Variants in TENM4 observed in about 807,000 individuals in gnomAD.
TENM4 encodes teneurin transmembrane protein 4.
A neutral mutation model predicts 243.3 loss-of-function variants in TENM4; 82 were observed. That is an observed-to-expected ratio of 0.34 (90% confidence interval 0.28 to 0.40). TENM4 has a LOEUF of 0.40. Among genes scored for constraint, TENM4 ranks in the 10% least tolerant of loss-of-function variants. The pLI is 1.00. For synonymous variants in TENM4, 1,412 were observed against 1,456.3 expected (o/e 0.97, Z 0.69); for missense variants, 3,138 against 3,673.3 (o/e 0.85, Z 3.77).
intron 1 of TENM4, among the ~76,000 whole-genome samples, chr11:79,318,672 T>C (rs892315936): frequency 6.6e-6 from 1 of 152,178 alleles, no homozygotes; most frequent in Non-Finnish European, 1.5e-5. Flanking sequence ...TGGGGTAGAG[T>C]ATAATGTAGT....
rs779398356 is a variant in TENM4, at chr11:78,669,633, G to T, written c.6712C>A (p.Arg2238=). The T allele has an allele frequency of 6.2e-7, 1 of 1,614,010 alleles. No individual in the cohort carries two copies. Among genetic ancestry groups the T allele is most frequent in the Non-Finnish European group, 8.5e-7 (1 of 1,179,904 alleles). ...GTGATGCGGTCGCGGATGTCATACC[G>T]TAGTGGTGTGAGCCGTGCACTGTTC... The part of the protein sequence containing the change: ...PGNSARLTPL[R]YDIRDRITRL... The change falls in exon 32 of 34, where the codon CGG becomes AGG. Residue 2238 remains arginine (R), a synonymous_variant. Coordinates refer to ENST00000278550, the MANE Select transcript of TENM4 (RefSeq NM_001098816.3). This position sits in a 1 kb window ranked among gnomAD's most constrained non-coding sequence, Gnocchi z 6.4.
At chr11:79,410,515 G>A (rs1019225414) in intron 1 of TENM4, among the ~76,000 whole-genome samples, 9 of 152,098 alleles carry the variant, frequency 5.9e-5, no homozygotes, top group African/African-American at 1.9e-4. Context: ...TCCTACAATT[G>A]TTTCTATAAA....
intron 25 of TENM4, 103 bp downstream of exon 25, chr11:78,720,267 G>C: frequency 7.5e-7 from 1 of 1,336,544 alleles, no homozygotes; most frequent in Non-Finnish European, 1.1e-6. Flanking sequence ...AATCACACAG[G>C]ATTCTTTTGC....
chr11:78,724,805 T>A, intron 23 of TENM4, among the ~76,000 whole-genome samples: 1 of 152,244 alleles, frequency 6.6e-6, no homozygotes, highest in Non-Finnish European at 1.5e-5. Context: ...GAGGTGTCCT[T>A]ACAATGCAAG....
chr11:78,903,227 G>T, intron 7 of TENM4, 41 bp downstream of exon 7: 1 of 1,468,972 alleles, frequency 6.8e-7, no homozygotes. Context: ...GGCCCCGGGT[G>T]CCCACCCTCC....
Position 78,862,957 on chromosome 11 carries a change from C to A in TENM4, c.1255+5G>T. 2 of 1,452,766 alleles carry A rather than the reference C, an allele frequency of 1.4e-6. No homozygotes were observed. The highest frequency in any genetic ancestry group is 2.8e-5 in the South Asian group (2 of 71,114). 90.0% of individuals were successfully genotyped at this position (1,452,766 alleles called of 1,614,324 possible). On this transcript the variant is annotated splice_donor_5th_base_variant and intron_variant, in intron 10 of 33. Transcript: ENST00000278550. ...CTCACAACACGGACAACGCAGCAACCCTACCTTCTGTGGTTCCTTTGCCTT... is the reference window on the plus strand; with the variant it reads ...CTCACAACACGGACAACGCAGCAACACTACCTTCTGTGGTTCCTTTGCCTT...
chr11:78,846,632 T>A (rs1858400147), intron 12 of TENM4, among the ~76,000 whole-genome samples: 1 of 152,172 alleles, frequency 6.6e-6, no homozygotes, highest in African/African-American at 2.4e-5. Flanking sequence ...ACCAAGCCAT[T>A]TTCCTTCCAC....
intron 14 of TENM4, among the ~76,000 whole-genome samples, chr11:78,805,996 C>T (rs1292674885): frequency 1.3e-5 from 2 of 152,038 alleles, no homozygotes; most frequent in Non-Finnish European, 2.9e-5. Flanking sequence ...AACTTTCAAA[C>T]TTCACTTTCC....
At position 79,147,338 on chromosome 11, in the gene TENM4, C is replaced by T. The variant is rs183754444; in HGVS notation, c.-66+1372G>A. Reference sequence around the variant, plus strand: ...TCATTCTGGGGGGCTCTAATCCTTACCATCTAGGACCGGGGCTATGGCATC... The same window carrying T: ...TCATTCTGGGGGGCTCTAATCCTTATCATCTAGGACCGGGGCTATGGCATC... On this transcript the variant is annotated intron_variant, in intron 4 of 33. Coordinates refer to ENST00000278550, the MANE Select transcript of TENM4 (RefSeq NM_001098816.3). Among the ~76,000 whole-genome samples, 29 of 152,184 alleles carry T rather than the reference C, an allele frequency of 1.9e-4. 1 individual carries two copies. The highest frequency in any genetic ancestry group is 1.7e-3 in the Admixed American group (26 of 15,258).
chr11:79,423,990 T>G (rs1161206167), intron 1 of TENM4, among the ~76,000 whole-genome samples: 7 of 152,230 alleles, frequency 4.6e-5, no homozygotes, highest in African/African-American at 1.4e-4. Flanking sequence ...CCAGGCTCCC[T>G]GGTAGAAGCT....
At chr11:79,224,554 C>A (rs2135246113) in intron 2 of TENM4, among the ~76,000 whole-genome samples, 1 of 152,236 alleles carries the variant, frequency 6.6e-6, no homozygotes, top group African/African-American at 2.4e-5. Flanking sequence ...CCCAGTACTG[C>A]AGAGTGGGGC....
intron 6 of TENM4, among the ~76,000 whole-genome samples, chr11:79,064,216 G>A (rs752988893): frequency 1.2e-4 from 18 of 152,108 alleles, no homozygotes; most frequent in African/African-American, 3.6e-4. Context: ...TAACTGAAAC[G>A]CTGTACCCTT....
intron 1 of TENM4, among the ~76,000 whole-genome samples, chr11:79,359,133 T>G (rs111586754): frequency 0.01 from 1,592 of 152,144 alleles, 23 homozygotes; most frequent in African/African-American, 0.033. Context: ...GTGCATGGTG[T>G]TGCATACCTG....
chr11:78,712,697 T>G lies in TENM4; in HGVS notation c.3839A>C (p.Lys1280Thr), dbSNP rs1859428459. 2 of 1,613,894 alleles carry G rather than the reference T, an allele frequency of 1.2e-6. No individual in the cohort carries two copies. The highest frequency in any genetic ancestry group is 2.7e-5 in the African/African-American group (2 of 74,932). ...CATGGGGTCTGTGGCCAGGTAGTAT[T>G]TGTGTGCTGGACTGTGACTAGAAAA... is the stretch of plus-strand genomic sequence containing the variant. ...DFRHSHSPAH[K>T]YYLATDPMSG... Residue 1280 changes from lysine to threonine, a missense_variant, in exon 26 of 34, where the codon AAA (lysine) becomes ACA (threonine). By Grantham distance (78) the Lys-to-Thr change is moderately conservative. Coordinates refer to ENST00000278550, the MANE Select transcript of TENM4 (RefSeq NM_001098816.3).
chr11:78,899,236 A>G (rs180884242), intron 7 of TENM4, among the ~76,000 whole-genome samples: 196 of 152,206 alleles, frequency 1.3e-3, no homozygotes, highest in African/African-American at 4.6e-3. Flanking sequence ...GCCTATTTGG[A>G]GAGGCCCTTA....
intron 21 of TENM4, among the ~76,000 whole-genome samples, chr11:78,731,963 T>C (rs1338132938): frequency 6.6e-6 from 1 of 152,224 alleles, no homozygotes; most frequent in African/African-American, 2.4e-5. Context: ...CCATTTATTT[T>C]AAGTAGTTTT....
rs1047480545 is a variant in TENM4, at chr11:79,438,446, C to G, written c.-321+2063G>C. ...GACCCCAGCCCCATCCCGTCCCCAT[C>G]AGCGCCGGGCTAGCGCAGGAAACCA... is the stretch of plus-strand genomic sequence containing the variant. On this transcript the variant is annotated intron_variant, in intron 1 of 33. Transcript: ENST00000278550. The surrounding 1 kb of genome is among the most constrained non-coding windows in gnomAD (Gnocchi z 4.1). 2.1e-4 allele frequency among the ~76,000 whole-genome samples: 32 copies of G among 152,314 alleles called. No individual in the cohort carries two copies. The highest frequency in any genetic ancestry group is 7.0e-4 in the African/African-American group (29 of 41,580).
chr11:78,772,471 A>G (rs1416168558), intron 17 of TENM4, among the ~76,000 whole-genome samples: 4 of 152,224 alleles, frequency 2.6e-5, no homozygotes, highest in African/African-American at 9.6e-5. Context: ...TGTGTCAGCT[A>G]TAAAGCTTCA....
intron 4 of TENM4, among the ~76,000 whole-genome samples, chr11:79,075,310 C>T (rs76168625): frequency 6.6e-6 from 1 of 152,294 alleles, no homozygotes; most frequent in East Asian, 1.9e-4. Flanking sequence ...AACTGCAAAC[C>T]TTCTTTCCAG....
Sources: allele counts gnomAD v4.1 joint callset (sites outside exome capture counted in the v4.1 genomes callset), GRCh38; gene constraint gnomAD v4.1.1; non-coding constraint Gnocchi (gnomAD v3.1); transcripts MANE v1.5; gene names NCBI Gene and HGNC (gene_info 2026-07-23, HGNC 2026-07-21).